OR2L13: variants seen among roughly 807,000 people sequenced by gnomAD.
OR2L13 encodes the protein olfactory receptor family 2 subfamily L member 13, also known as olfactory receptor 2L13.
Under a neutral mutation model 15.3 loss-of-function variants are expected in OR2L13, and 14 were observed. The observed-to-expected ratio is 0.91, with a 90% confidence interval of 0.60 to 1.43. OR2L13 has a LOEUF of 1.43. Ranked by LOEUF, OR2L13 falls within the 40% of genes most tolerant of loss-of-function variation. OR2L13 has a pLI of 0.00. For synonymous variants in OR2L13, 152 were observed against 142.9 expected (o/e 1.06, Z -0.45); for missense variants, 367 against 387.9 (o/e 0.95, Z 0.45).
the OR2L13 span, chr1:248,062,589 G>A: frequency 6.6e-6 from 1 of 152,306 alleles, no homozygotes; most frequent in African/African-American, 2.4e-5. Context: ...GGGGAGGGAC[G>A]ATAAAGTGGG....
At chr1:248,090,152 C>T in the OR2L13 span, among the ~76,000 whole-genome samples, 1 of 152,126 alleles carries the variant, frequency 6.6e-6, no homozygotes, top group African/African-American at 2.4e-5. Flanking sequence ...GCTGCAATCC[C>T]CATGTCAGCA....
chr1:248,061,248 G>A, the OR2L13 span: 22 of 1,610,610 alleles, frequency 1.4e-5, no homozygotes, highest in East Asian at 2.2e-5. Flanking sequence ...TGGCCTGCAT[G>A]GACACCTGGG....
chr1:248,045,628 G>A, the OR2L13 span, among the ~76,000 whole-genome samples: 1 of 152,116 alleles, frequency 6.6e-6, no homozygotes, highest in East Asian at 1.9e-4. Flanking sequence ...TAAAAATCAC[G>A]GTTGTAAACT....
chr1:248,041,500 T>C, the OR2L13 span: 1 of 152,168 alleles, frequency 6.6e-6, no homozygotes, highest in African/African-American at 2.4e-5. Context: ...AAAGCCAAAA[T>C]TGACAATTGA....
chr1:248,046,862 A>G, the OR2L13 span: 1 of 152,224 alleles, frequency 6.6e-6, no homozygotes, highest in African/African-American at 2.4e-5. Flanking sequence ...GAGTGTTTGG[A>G]AATGAGGAAA....
At chr1:248,086,700 G>GA in the OR2L13 span, among the ~76,000 whole-genome samples, 1,056 of 152,038 alleles carry the variant, frequency 6.9e-3, 14 homozygotes, top group African/African-American at 0.024. Context: ...ATAAGAATGT[G>GA]AACAAATGCT....
chr1:248,000,198 C>T, the OR2L13 span, among the ~76,000 whole-genome samples: 1 of 150,746 alleles, frequency 6.6e-6, no homozygotes, highest in Admixed American at 6.6e-5. Flanking sequence ...GGAGACCAGC[C>T]TTATTTTGTG....
chr1:247,970,383 C>T, the OR2L13 span, among the ~76,000 whole-genome samples: 1 of 152,034 alleles, frequency 6.6e-6, no homozygotes, highest in Admixed American at 6.6e-5. Context: ...TCTGAGATCA[C>T]CTTCGCTTTC....
the OR2L13 span, chr1:248,024,221 A>G: frequency 2.6e-5 from 4 of 152,128 alleles, no homozygotes; most frequent in East Asian, 5.8e-4. Flanking sequence ...CTTGCCCAAG[A>G]ATTTGTAATG....
chr1:248,076,421 A>T, the OR2L13 span, among the ~76,000 whole-genome samples: 434 of 152,288 alleles, frequency 2.8e-3, 7 homozygotes, highest in African/African-American at 9.9e-3. Context: ...CATTGAATGT[A>T]TAAATTACAT....
chr1:248,033,670 G>A, the OR2L13 span, among the ~76,000 whole-genome samples: 1 of 148,732 alleles, frequency 6.7e-6, no homozygotes, highest in African/African-American at 2.5e-5. Context: ...TCAATGTTCT[G>A]AGCTCAAGCA....
the OR2L13 span, among the ~76,000 whole-genome samples, chr1:248,072,283 T>A: frequency 6.6e-6 from 1 of 152,102 alleles, no homozygotes; most frequent in African/African-American, 2.4e-5. Context: ...AACAGAAATA[T>A]AGATCAATGG....
the OR2L13 span, among the ~76,000 whole-genome samples, chr1:247,973,219 G>T: frequency 2.0e-5 from 3 of 152,034 alleles, no homozygotes; most frequent in Non-Finnish European, 4.4e-5. Flanking sequence ...ACCATAACAA[G>T]ACAAAAAATG....
chr1:248,026,258 T>G, the OR2L13 span, among the ~76,000 whole-genome samples: 2 of 152,200 alleles, frequency 1.3e-5, no homozygotes, highest in Admixed American at 1.3e-4. Context: ...AGTTGACCCT[T>G]GAACAACGCG....
chr1:248,038,630 T>C, the OR2L13 span: 6 of 1,614,024 alleles, frequency 3.7e-6, no homozygotes, highest in Non-Finnish European at 5.1e-6. Context: ...CCTATGATCG[T>C]TATGTGGCCA....
At chr1:247,950,529 G>C in the OR2L13 span, among the ~76,000 whole-genome samples, 120,991 of 152,136 alleles carry the variant, frequency 0.8, 52,486 homozygotes, top group South Asian at 0.95. Flanking sequence ...TGGGAGTTTA[G>C]TTTCATTTTT....
the OR2L13 span, among the ~76,000 whole-genome samples, chr1:248,043,926 C>A: frequency 6.6e-6 from 1 of 152,092 alleles, no homozygotes; most frequent in Non-Finnish European, 1.5e-5. Context: ...ATATTATTAT[C>A]TTTAAAGAAA....
At chr1:248,039,278 C>T in the OR2L13 span, 2 of 1,357,422 alleles carry the variant, frequency 1.5e-6, no homozygotes, top group East Asian at 2.3e-5. Context: ...TGAAGAAAAA[C>T]ATTATTACAT....
chr1:247,973,939 A>G, the OR2L13 span, among the ~76,000 whole-genome samples: 2 of 152,184 alleles, frequency 1.3e-5, no homozygotes, highest in Non-Finnish European at 2.9e-5. Flanking sequence ...TATATACCTA[A>G]AGGATTATAA....
Sources: allele counts gnomAD v4.1 joint callset (sites outside exome capture counted in the v4.1 genomes callset), GRCh38; gene constraint gnomAD v4.1.1; transcripts MANE v1.5; gene names NCBI Gene and HGNC (gene_info 2026-07-23, HGNC 2026-07-21).